STXBP4: variants seen among roughly 807,000 people sequenced by gnomAD.
STXBP4 encodes syntaxin-binding protein 4.
STXBP4 carries 55 observed loss-of-function variants against 76.1 expected under a neutral mutation model. The observed-to-expected ratio is 0.72, with a 90% CI of 0.58 to 0.91. The LOEUF (loss-of-function observed/expected upper bound fraction) is 0.91. STXBP4 is among the 40% of genes least tolerant of loss of function. The pLI is 0.00. For synonymous variants in STXBP4, 201 were observed against 220.2 expected (o/e 0.91, Z 0.77); for missense variants, 618 against 636.9 (o/e 0.97, Z 0.32).
At chr17:55,045,762 G>A (rs1598260915) in intron 11 of STXBP4, among the ~76,000 whole-genome samples, 1 of 152,012 alleles carries the variant, frequency 6.6e-6, no homozygotes, top group Non-Finnish European at 1.5e-5. Flanking sequence ...AATTTTACAT[G>A]TTATAATTAC....
chr17:55,119,846 ATATT>A (rs1240878455), intron 16 of STXBP4, among the ~76,000 whole-genome samples: 1 of 152,010 alleles, frequency 6.6e-6, no homozygotes, highest in Non-Finnish European at 1.5e-5. Flanking sequence ...CATGCTTCTG[ATATT>A]TAAATACCTC....
chr17:55,122,852 A>G (rs546062053), intron 16 of STXBP4, among the ~76,000 whole-genome samples: 84 of 152,342 alleles, frequency 5.5e-4, no homozygotes, highest in African/African-American at 2.0e-3. Flanking sequence ...TCTTTTATAA[A>G]TAAAGTTTTG....
At chr17:55,103,219 G>T (rs995220601) in intron 16 of STXBP4, among the ~76,000 whole-genome samples, 2 of 152,092 alleles carry the variant, frequency 1.3e-5, no homozygotes, top group African/African-American at 4.8e-5. Context: ...CCCTTGTCCT[G>T]AATGGTATTG....
rs905121599 is a variant in STXBP4, at chr17:55,078,165, T to G, written c.1276T>G (p.Ser426Ala). 2.5e-6 allele frequency: 4 copies of G among 1,611,542 alleles called. No individual in the cohort carries two copies. The African/African-American group carries it at 5.4e-5, about 22-fold the overall frequency. The change falls in exon 14 of 18, where the codon TCC becomes GCC. Residue 426 changes from serine to alanine, a missense_variant. Coordinates refer to ENST00000376352, the MANE Select transcript of STXBP4 (RefSeq NM_178509.6). The stretch of plus-strand genomic sequence containing the variant: ...AATGGCTCGAAAAACTTTTGAGGCA[T>G]CCACTGAAAAGCTTCTTCATTTTGT... ...SEMARKTFEA[S>A]TEKLLHFVEA...
At chr17:55,005,210 G>C (rs1042804937) in intron 7 of STXBP4, among the ~76,000 whole-genome samples, 1 of 152,144 alleles carries the variant, frequency 6.6e-6, no homozygotes, top group African/African-American at 2.4e-5. Context: ...TAACTCCTAT[G>C]AGGCAGTCTG....
At chr17:55,141,914 C>G (rs1567780067) in intron 17 of STXBP4, among the ~76,000 whole-genome samples, 1 of 152,140 alleles carries the variant, frequency 6.6e-6, no homozygotes, top group Admixed American at 6.6e-5. Flanking sequence ...AGATAAATAA[C>G]TTGAGATAAA....
chr17:55,104,369 A>G (rs1450636643), intron 16 of STXBP4, among the ~76,000 whole-genome samples: 1 of 152,140 alleles, frequency 6.6e-6, no homozygotes, highest in Non-Finnish European at 1.5e-5. Flanking sequence ...CCTTTTCTCT[A>G]TCTATGGAGA....
At position 55,167,372 on chromosome 17, in the gene STXBP4, G is replaced by A. The variant is rs1177760120; in HGVS notation, c.*7461G>A. ...ACTCTTTTAGCTGTTTCCTGCTTCTGGCAGGGAAACAAAGATTGAATTAAG... is the reference window on the plus strand; with the variant it reads ...ACTCTTTTAGCTGTTTCCTGCTTCTAGCAGGGAAACAAAGATTGAATTAAG... On this transcript the variant is annotated 3_prime_UTR_variant, in exon 18 of 18. Transcript: ENST00000376352. 2 of 152,158 alleles carry A rather than the reference G, an allele frequency of 1.3e-5. No homozygotes were observed. The highest frequency in any genetic ancestry group is 1.5e-5 in the Non-Finnish European group (1 of 68,028). 9.4% of individuals were successfully genotyped at this position (152,158 alleles called of 1,614,324 possible).
downstream of STXBP4, among the ~76,000 whole-genome samples, chr17:55,177,841 G>T (rs998563268): frequency 5.3e-5 from 8 of 152,226 alleles, no homozygotes; most frequent in African/African-American, 1.9e-4. Flanking sequence ...GAAGGAACAT[G>T]CCTGAGTGAA....
At chr17:54,986,988 G>C (rs936016943) in intron 3 of STXBP4, among the ~76,000 whole-genome samples, 4 of 152,150 alleles carry the variant, frequency 2.6e-5, no homozygotes, top group Non-Finnish European at 5.9e-5. Context: ...TTTTCACATG[G>C]TAGCAGAAGC....
At chr17:55,181,067 A>G in the STXBP4 span, among the ~76,000 whole-genome samples, 2 of 152,218 alleles carry the variant, frequency 1.3e-5, no homozygotes, top group Admixed American at 1.3e-4. Flanking sequence ...TGCTAAACTC[A>G]TAACATTACT....
intron 9 of STXBP4, among the ~76,000 whole-genome samples, chr17:55,033,798 T>C (rs1296063848): frequency 6.6e-6 from 1 of 152,226 alleles, no homozygotes; most frequent in Non-Finnish European, 1.5e-5. Flanking sequence ...AAACATTATC[T>C]GCTGCTATTA....
At chr17:55,133,931 A>G (rs2079999395) in intron 16 of STXBP4, among the ~76,000 whole-genome samples, 1 of 152,224 alleles carries the variant, frequency 6.6e-6, no homozygotes, top group Non-Finnish European at 1.5e-5. Flanking sequence ...GTTTAGTTAT[A>G]AAGTAGAGCA....
In STXBP4 at chr17:54,986,188, G is replaced by A; in HGVS notation, c.-32G>A. Reference sequence around the variant, plus strand: ...CTTCATCAAGATCTTCATTTATACAGCTGTTAAATCCAAGGCTACTTTGGT... The same window carrying A: ...CTTCATCAAGATCTTCATTTATACAACTGTTAAATCCAAGGCTACTTTGGT... On this transcript the variant is annotated 5_prime_UTR_variant, in exon 3 of 18. Coordinates refer to ENST00000376352, the MANE Select transcript of STXBP4 (RefSeq NM_178509.6). 6.4e-7 allele frequency: 1 copy of A among 1,562,850 alleles called. No individual in the cohort carries two copies.
At chr17:55,105,470 T>TTTC (rs577220960) in intron 16 of STXBP4, among the ~76,000 whole-genome samples, 23,992 of 129,548 alleles carry the variant, frequency 0.19, 2,234 homozygotes, top group Middle Eastern at 0.32. Flanking sequence ...TTTCTTTTCT[T>TTTC]TTTTTTTTTT....
intron 1 of STXBP4, among the ~76,000 whole-genome samples, chr17:54,985,248 A>G (rs74255940): frequency 0.02 from 3,026 of 152,300 alleles, 68 homozygotes; most frequent in East Asian, 0.13. Flanking sequence ...GAGAAGCCCA[A>G]AATTTCAAAT....
rs762972638 is a variant in STXBP4, at chr17:55,173,266, C to T, written c.*13355C>T. ...ACATGTCTAGTTATTTGACCACAAC[C>T]GTAATCAAGATACAGAACAGTTTTA... is the stretch of plus-strand genomic sequence containing the variant. On this transcript the variant is annotated 3_prime_UTR_variant, in exon 18 of 18. Coordinates refer to ENST00000376352, the MANE Select transcript of STXBP4 (RefSeq NM_178509.6). 3 of 152,238 alleles carry T rather than the reference C, an allele frequency of 2.0e-5. No individual in the cohort carries two copies. Among genetic ancestry groups the T allele is most frequent in the East Asian group, 3.9e-4 (2 of 5,186 alleles). 9.4% of individuals were successfully genotyped at this position (152,238 alleles called of 1,614,324 possible).
At chr17:55,192,343 T>C in the STXBP4 span, among the ~76,000 whole-genome samples, 1 of 152,178 alleles carries the variant, frequency 6.6e-6, no homozygotes, top group South Asian at 2.1e-4. Context: ...GGCAATCCAC[T>C]GTAAAATGTA....
intron 1 of STXBP4, among the ~76,000 whole-genome samples, chr17:54,978,974 T>C (rs747625862): frequency 1.7e-4 from 26 of 152,194 alleles, no homozygotes; most frequent in Admixed American, 1.2e-3. Context: ...TAACCAGTTA[T>C]CAATTTTTAC....
Sources: gnomAD v4.1 joint callset for allele counts (sites outside exome capture counted in the v4.1 genomes callset) on GRCh38, gnomAD v4.1.1 for gene constraint, MANE v1.5 for transcripts, NCBI Gene and HGNC (gene_info 2026-07-23, HGNC 2026-07-21) for gene names.